The following ADAM12 variants were observed in gnomAD, a reference collection of about 807,000 sequenced individuals.
ADAM12 encodes the protein ADAM metallopeptidase domain 12, also known as disintegrin and metalloproteinase domain-containing protein 12.
A neutral mutation model predicts 106.4 loss-of-function variants in ADAM12; 70 were observed. The ratio of observed to expected loss-of-function variants is 0.66; its 90% CI spans 0.54 to 0.80. The LOEUF (loss-of-function observed/expected upper bound fraction) is 0.80. Ranked by LOEUF, ADAM12 falls within the 30% of genes least tolerant of loss-of-function variation. The pLI, the probability that ADAM12 is intolerant of heterozygous loss-of-function variation, is 0.00. For missense variants in ADAM12, 1,010 were observed against 1,171.9 expected, an observed-to-expected ratio of 0.86 and a Z score of 2.02; for synonymous variants, 420 against 433.5, an observed-to-expected ratio of 0.97 and a Z score of 0.39.
At chr10:126,167,756 G>A (rs1957049674) in intron 3 of ADAM12, among the ~76,000 whole-genome samples, 1 of 152,222 alleles carries the variant, frequency 6.6e-6, no homozygotes, top group Non-Finnish European at 1.5e-5. Flanking sequence ...TGGACTGCAA[G>A]TGGTATTTAT....
rs1219664406 is a variant in ADAM12, at chr10:126,057,365, T to TA, written c.1609+7440dup. ...ATGTTCCCTAAAACTTAGAGTATAA[T>TA]AAAAAAAAAATTAAAAAACAAAAAA... On this transcript the variant is annotated intron_variant, in intron 14 of 22. Coordinates refer to ENST00000448723, the MANE Select transcript of ADAM12 (RefSeq NM_001288973.2). Among the ~76,000 whole-genome samples, 60 of 17,178 alleles carry TA rather than the reference T, an allele frequency of 3.5e-3. 18 individuals are homozygous for TA. The highest frequency in any genetic ancestry group is 5.0e-3 in the African/African-American group (16 of 3,188). 11.3% of individuals were successfully genotyped at this position (17,178 alleles called of 152,430 possible).
chr10:126,184,969 G>A (rs943764246), intron 3 of ADAM12, among the ~76,000 whole-genome samples: 1 of 152,212 alleles, frequency 6.6e-6, no homozygotes, highest in East Asian at 1.9e-4. Context: ...GATGGATTTA[G>A]AGACCAAGCC....
At chr10:126,239,675 T>G (rs939353068) in intron 3 of ADAM12, among the ~76,000 whole-genome samples, 5 of 152,214 alleles carry the variant, frequency 3.3e-5, no homozygotes, top group Non-Finnish European at 7.3e-5. Flanking sequence ...TATTGTCGGA[T>G]CTAAGGAATT....
At chr10:126,304,581 G>T (rs949519989) in intron 2 of ADAM12, among the ~76,000 whole-genome samples, 3 of 152,108 alleles carry the variant, frequency 2.0e-5, no homozygotes, top group Middle Eastern at 6.8e-3. Flanking sequence ...AGCAGTAAAT[G>T]ATATATTATA....
intron 3 of ADAM12, among the ~76,000 whole-genome samples, chr10:126,243,134 T>C (rs1430222885): frequency 6.6e-6 from 1 of 152,172 alleles, no homozygotes; most frequent in Non-Finnish European, 1.5e-5. Flanking sequence ...CAGGCCAGTG[T>C]TACCATGTTC....
chr10:126,124,906 A>AAAAG (rs1452899389), intron 5 of ADAM12, among the ~76,000 whole-genome samples: 1 of 150,780 alleles, frequency 6.6e-6, no homozygotes, highest in African/African-American at 2.4e-5. Flanking sequence ...AAAAAAAAAA[A>AAAAG]AAAAAGAAAA....
intron 3 of ADAM12, among the ~76,000 whole-genome samples, chr10:126,202,818 C>T (rs913231140): frequency 2.0e-5 from 3 of 152,124 alleles, no homozygotes; most frequent in Admixed American, 6.5e-5. Flanking sequence ...ACTGCAGGTT[C>T]GCAGACGTAC....
intron 3 of ADAM12, among the ~76,000 whole-genome samples, chr10:126,215,374 T>C (rs1320344235): frequency 6.6e-6 from 1 of 152,158 alleles, no homozygotes; most frequent in African/African-American, 2.4e-5. Flanking sequence ...TGCCCTTCCA[T>C]AACTCAGGGT....
At chr10:126,105,628 G>A (rs1046845900) in intron 8 of ADAM12, among the ~76,000 whole-genome samples, 1 of 152,232 alleles carries the variant, frequency 6.6e-6, no homozygotes, top group Non-Finnish European at 1.5e-5. Context: ...CTGGGCCAAG[G>A]TGTGGGAATC....
At chr10:126,281,028 G>A (rs1959552633) in intron 2 of ADAM12, among the ~76,000 whole-genome samples, 2 of 152,044 alleles carry the variant, frequency 1.3e-5, no homozygotes, top group African/African-American at 2.4e-5. Flanking sequence ...ATTTGCTTTC[G>A]AGTCCATCAC....
intron 3 of ADAM12, among the ~76,000 whole-genome samples, chr10:126,222,326 G>A (rs995317059): frequency 1.3e-5 from 2 of 151,922 alleles, no homozygotes; most frequent in Non-Finnish European, 2.9e-5. Flanking sequence ...AAATTGAATT[G>A]GCAGGTTCAT....
intron 4 of ADAM12, among the ~76,000 whole-genome samples, chr10:126,141,724 T>C (rs1189820497): frequency 6.6e-6 from 1 of 152,070 alleles, no homozygotes; most frequent in African/African-American, 2.4e-5. Flanking sequence ...TATGCTTAAG[T>C]GGTAACAAAG....
rs975033558 is a variant in ADAM12, at chr10:126,236,299, G to A, written c.260+42616C>T. 4.6e-5 allele frequency among the ~76,000 whole-genome samples: 7 copies of A among 152,330 alleles called. No individual in the cohort carries two copies. The East Asian group carries it at 7.7e-4, about 17-fold the overall frequency. On this transcript the variant is annotated intron_variant, in intron 3 of 22. Transcript: ENST00000448723. ...GGCTGGGGCAGACCCTGCAACTCTC[G>A]AGTGTCTGGCTGGGGCCACTGGTCA... is the stretch of plus-strand genomic sequence containing the variant.
chr10:126,144,851 A>T (rs10901535), intron 4 of ADAM12, among the ~76,000 whole-genome samples: 1 of 151,996 alleles, frequency 6.6e-6, no homozygotes. Context: ...GCCCCGACTG[A>T]GTGCCAGGCT....
At chr10:126,201,333 G>A (rs1264250327) in intron 3 of ADAM12, among the ~76,000 whole-genome samples, 3 of 152,174 alleles carry the variant, frequency 2.0e-5, no homozygotes, top group African/African-American at 7.2e-5. Flanking sequence ...ACGCAGAGAG[G>A]AGGCTGCCAT....
chr10:126,114,682 G>T (rs369131457), intron 6 of ADAM12, among the ~76,000 whole-genome samples: 1 of 152,116 alleles, frequency 6.6e-6, no homozygotes, highest in Non-Finnish European at 1.5e-5. Context: ...GTTTCACCAC[G>T]TTGGCCAGGT....
rs3740199 is a variant in ADAM12 at position 126,330,456 on chromosome 10, C to A, written c.142G>T (p.Gly48Trp). ...RADEVVSASV[G>W]SGDLWIPVKS... ...ACTGGGATCCAGAGGTCCCCACTCC[C>A]AACAGAGGCACTGACAACTTCATCA... is the stretch of plus-strand genomic sequence containing the variant. Residue 48 changes from glycine (G) to tryptophan (W), a missense_variant, in exon 2 of 23, where the codon GGG becomes TGG. Transcript: ENST00000448723. 5,328 of 1,613,608 alleles carry A rather than the reference C, an allele frequency of 3.3e-3. 9 individuals are homozygous for A. The highest frequency in any genetic ancestry group is 4.1e-3 in the Non-Finnish European group (4,816 of 1,179,906).
At chr10:126,028,300 C>T (rs1180330562) in intron 21 of ADAM12, among the ~76,000 whole-genome samples, 1 of 152,124 alleles carries the variant, frequency 6.6e-6, no homozygotes, top group Non-Finnish European at 1.5e-5. Context: ...ACATTCTTCA[C>T]CAAATTAGAA....
chr10:126,046,535 T>C (rs961872635), intron 16 of ADAM12, among the ~76,000 whole-genome samples: 5 of 152,012 alleles, frequency 3.3e-5, no homozygotes, highest in Admixed American at 3.3e-4. Context: ...TTGGGCACGG[T>C]TGCTCACTCC....
Sources: allele counts gnomAD v4.1 joint callset (sites outside exome capture counted in the v4.1 genomes callset), GRCh38; gene constraint gnomAD v4.1.1; transcripts MANE v1.5; gene names NCBI Gene and HGNC (gene_info 2026-07-23, HGNC 2026-07-21).